AUTS2: variants seen among roughly 807,000 people sequenced by gnomAD.
AUTS2 encodes activator of transcription and developmental regulator AUTS2.
In AUTS2, 17 loss-of-function variants were observed where a neutral mutation model predicts 112.4. That is an observed-to-expected ratio of 0.15 (90% CI 0.10 to 0.23). AUTS2 has a LOEUF of 0.23. AUTS2 is among the 10% of genes least tolerant of loss of function. The probability of loss-of-function intolerance (pLI) is 1.00; values close to 1 mark genes in which losing one functional copy is unlikely to be tolerated. For synonymous variants in AUTS2, 751 were observed against 702.7 expected (o/e 1.07, Z -1.09); for missense variants, 1,510 against 1,701.6 (o/e 0.89, Z 1.98).
rs75690199 is a variant in AUTS2 at position 70,318,463 on chromosome 7, C to T, written c.661-117289C>T. Among the ~76,000 whole-genome samples the T allele has an allele frequency of 2.2e-3, 331 of 152,190 alleles. 3 individuals carry two copies. Among genetic ancestry groups the T allele is most frequent in the African/African-American group, 7.6e-3 (317 of 41,524 alleles). On this transcript the variant is annotated intron_variant, in intron 4 of 18. Transcript: ENST00000342771. ...TCACAGTATAGCGGCCCACCGATAA[C>T]CTTAAGAACCTACAAACCTAACAGT...
At chr7:69,872,217 T>C (rs1288820039) in intron 1 of AUTS2, among the ~76,000 whole-genome samples, 2 of 152,194 alleles carry the variant, frequency 1.3e-5, no homozygotes, top group Non-Finnish European at 2.9e-5. Context: ...AGCAGAGACA[T>C]AAGCTGGGCC....
intron 2 of AUTS2, among the ~76,000 whole-genome samples, chr7:69,905,681 C>G (rs559572932): frequency 6.6e-6 from 1 of 152,328 alleles, no homozygotes; most frequent in South Asian, 2.1e-4. Context: ...TTCACTGAGA[C>G]TCACATGCCA....
At chr7:70,030,346 G>A (rs1051004355) in intron 2 of AUTS2, among the ~76,000 whole-genome samples, 1 of 152,162 alleles carries the variant, frequency 6.6e-6, no homozygotes, top group African/African-American at 2.4e-5. Context: ...CATTTGACAG[G>A]TGTGAGGTTT....
intron 5 of AUTS2, among the ~76,000 whole-genome samples, chr7:70,465,400 A>G (rs1218891464): frequency 6.6e-6 from 1 of 152,202 alleles, no homozygotes; most frequent in Non-Finnish European, 1.5e-5. Flanking sequence ...AGGATAGGCT[A>G]CAGGGTATGT....
In AUTS2 at chr7:70,792,319, A is replaced by G. The variant is rs1028282342; in HGVS notation, c.*1323A>G. 3 of 152,548 alleles carry G rather than the reference A, an allele frequency of 2.0e-5. No homozygotes were observed. The highest frequency in any genetic ancestry group is 7.2e-5 in the African/African-American group (3 of 41,430). The allele number at this position is 152,548 out of a possible 1,614,324, so 9.4% of individuals were successfully genotyped here. ...AATGTCTCTTCATAATACTTTTATA[A>G]TACATTAAGCCTCTTGTCTACATAT... On this transcript the variant is annotated 3_prime_UTR_variant, in exon 19 of 19. Coordinates refer to ENST00000342771, the MANE Select transcript of AUTS2 (RefSeq NM_015570.4).
At chr7:69,936,055 A>C (rs141574244) in intron 2 of AUTS2, among the ~76,000 whole-genome samples, 12 of 152,342 alleles carry the variant, frequency 7.9e-5, no homozygotes, top group Admixed American at 3.3e-4. Context: ...TTTAGGAATT[A>C]ATTTCACAAG....
intron 1 of AUTS2, among the ~76,000 whole-genome samples, chr7:69,835,995 C>T (rs935914823): frequency 6.6e-6 from 1 of 152,178 alleles, no homozygotes; most frequent in African/African-American, 2.4e-5. Context: ...GATTTATTGA[C>T]ATAGCTGATG....
intron 1 of AUTS2, among the ~76,000 whole-genome samples, chr7:69,851,064 T>A (rs1462401884): frequency 6.6e-6 from 1 of 152,222 alleles, no homozygotes; most frequent in Non-Finnish European, 1.5e-5. Context: ...ATTTTTTGCC[T>A]ATGAATAATC....
chr7:70,068,964 A>G (rs564085859), intron 2 of AUTS2, among the ~76,000 whole-genome samples: 3 of 152,230 alleles, frequency 2.0e-5, no homozygotes, highest in Non-Finnish European at 4.4e-5. Flanking sequence ...ATTTCTTTTC[A>G]CCACTAAGAC....
At chr7:70,090,854 T>G (rs1803878473) in intron 2 of AUTS2, among the ~76,000 whole-genome samples, 1 of 151,972 alleles carries the variant, frequency 6.6e-6, no homozygotes, top group African/African-American at 2.4e-5. Flanking sequence ...AATTTTTGTA[T>G]TTTTAGTAGA....
chr7:70,622,116 G>A (rs1338101209), intron 5 of AUTS2, among the ~76,000 whole-genome samples: 3 of 152,012 alleles, frequency 2.0e-5, no homozygotes, highest in Non-Finnish European at 4.4e-5. Context: ...GGGATTACAG[G>A]TGTGAGCCAT....
chr7:70,436,298 C>G (rs745432359), intron 5 of AUTS2: 1 of 152,686 alleles, frequency 6.5e-6, no homozygotes, highest in African/African-American at 2.4e-5. Flanking sequence ...TCTTCCCATC[C>G]GGGCGGACCG....
At chr7:69,886,845 T>C (rs1440106700) in intron 1 of AUTS2, among the ~76,000 whole-genome samples, 2 of 151,238 alleles carry the variant, frequency 1.3e-5, no homozygotes, top group East Asian at 2.0e-4. Context: ...CTAGAATGCA[T>C]TGGTGTGATC....
intron 1 of AUTS2, among the ~76,000 whole-genome samples, chr7:69,783,088 C>A (rs1225389049): frequency 1.2e-5 from 1 of 85,120 alleles, no homozygotes; most frequent in African/African-American, 4.2e-5. Flanking sequence ...TGCTGCTCAT[C>A]TTTTTTTTTT....
At chr7:70,162,943 C>T (rs934576257) in intron 4 of AUTS2, among the ~76,000 whole-genome samples, 6 of 151,982 alleles carry the variant, frequency 3.9e-5, no homozygotes, top group African/African-American at 1.2e-4. Flanking sequence ...CTGAATTGAA[C>T]GACTTATAAC....
chr7:69,766,497 A>G (rs774621979), intron 1 of AUTS2, among the ~76,000 whole-genome samples: 1 of 152,172 alleles, frequency 6.6e-6, no homozygotes, highest in Non-Finnish European at 1.5e-5. Context: ...TGGTAATTCT[A>G]TTTTTATTTT....
At chr7:70,015,286 C>A (rs1180722730) in intron 2 of AUTS2, among the ~76,000 whole-genome samples, 1 of 152,174 alleles carries the variant, frequency 6.6e-6, no homozygotes, top group African/African-American at 2.4e-5. Context: ...TTAACGTGAG[C>A]CAGGTGTTAT....
chr7:70,405,237 C>T (rs565127229), intron 4 of AUTS2, among the ~76,000 whole-genome samples: 3 of 152,306 alleles, frequency 2.0e-5, no homozygotes, highest in African/African-American at 7.2e-5. Context: ...TAAACACCTC[C>T]TCCCTGCCCT....
At chr7:70,706,681 T>A (rs1053795804) in intron 6 of AUTS2, among the ~76,000 whole-genome samples, 6 of 152,070 alleles carry the variant, frequency 3.9e-5, no homozygotes, top group Non-Finnish European at 7.3e-5. Context: ...ATCTGATAAG[T>A]TGTCAAGAAA....
Sources: allele counts gnomAD v4.1 joint callset (sites outside exome capture counted in the v4.1 genomes callset), GRCh38; gene constraint gnomAD v4.1.1; transcripts MANE v1.5; gene names NCBI Gene and HGNC (gene_info 2026-07-23, HGNC 2026-07-21).